RBFOX1: variants seen among roughly 807,000 people sequenced by gnomAD.
RBFOX1 encodes RNA binding fox-1 homolog 1.
In RBFOX1, 8 loss-of-function variants were observed where a neutral mutation model predicts 57.7. The observed-to-expected ratio is 0.14, with a 90% CI of 0.08 to 0.25. The LOEUF (loss-of-function observed/expected upper bound fraction) is 0.25, where lower values mean the gene tolerates loss of function less well. Among genes scored for constraint, RBFOX1 ranks in the 10% least tolerant of loss-of-function variants. RBFOX1 has a pLI of 1.00. For missense variants in RBFOX1, 611 were observed against 548.5 expected (o/e 1.11, Z -1.14); for synonymous variants, 326 against 222.4 (o/e 1.47, Z -4.15).
chr16:5,443,875 A>C (rs1167721456), intron 1 of RBFOX1, among the ~76,000 whole-genome samples: 1 of 152,142 alleles, frequency 6.6e-6, no homozygotes, highest in Non-Finnish European at 1.5e-5. Context: ...CCTTCTTTTT[A>C]AAGCTTGACT....
intron 1 of RBFOX1, among the ~76,000 whole-genome samples, chr16:6,280,666 A>T (rs76653313): frequency 0.033 from 5,055 of 152,172 alleles, 208 homozygotes; most frequent in African/African-American, 0.095. Context: ...AGTAATTAAG[A>T]TAGGGAAATT....
chr16:6,776,406 A>G (rs1034240778), intron 3 of RBFOX1, among the ~76,000 whole-genome samples: 1 of 147,632 alleles, frequency 6.8e-6, no homozygotes, highest in African/African-American at 2.5e-5. Flanking sequence ...GTGAGACTCC[A>G]CCTCGGAAAA....
At chr16:5,291,842 G>A (rs1362829215) in intron 1 of RBFOX1, among the ~76,000 whole-genome samples, 1 of 152,156 alleles carries the variant, frequency 6.6e-6, no homozygotes, top group African/African-American at 2.4e-5. Context: ...CTGAATGTGG[G>A]TTGGGTTGGC....
intron 3 of RBFOX1, among the ~76,000 whole-genome samples, chr16:5,809,249 G>C (rs538986603): frequency 1.3e-5 from 2 of 152,230 alleles, no homozygotes; most frequent in African/African-American, 4.8e-5. Flanking sequence ...TTACCATTCA[G>C]GACATAGGCA....
intron 4 of RBFOX1, among the ~76,000 whole-genome samples, chr16:7,190,344 GA>G (rs2085065547): frequency 6.6e-6 from 1 of 152,106 alleles, no homozygotes; most frequent in African/African-American, 2.4e-5. Flanking sequence ...GGGTGACAGA[GA>G]CTCCGCCTCA....
intron 4 of RBFOX1, among the ~76,000 whole-genome samples, chr16:5,914,724 AC>A (rs1360001441): frequency 7.9e-5 from 12 of 152,162 alleles, no homozygotes; most frequent in Non-Finnish European, 1.5e-4. Flanking sequence ...GTGAAAGCCC[AC>A]CTCTACTAAA....
chr16:5,379,140 G>C (rs930001621), intron 1 of RBFOX1, among the ~76,000 whole-genome samples: 1 of 151,622 alleles, frequency 6.6e-6, no homozygotes, highest in African/African-American at 2.4e-5. Flanking sequence ...ACCTCATGCC[G>C]TTAGGAGCCA....
At chr16:6,754,097 A>G (rs1453975158) in intron 3 of RBFOX1, among the ~76,000 whole-genome samples, 4 of 152,180 alleles carry the variant, frequency 2.6e-5, no homozygotes, top group South Asian at 4.1e-4. Context: ...TTACCTAAGT[A>G]TTTTGAGCAG....
At chr16:6,881,420 T>C (rs143652875) in intron 3 of RBFOX1, among the ~76,000 whole-genome samples, 125 of 152,282 alleles carry the variant, frequency 8.2e-4, no homozygotes, top group African/African-American at 2.8e-3. Flanking sequence ...GTTGGCAAGA[T>C]TGGTTCCTTC....
intron 2 of RBFOX1, among the ~76,000 whole-genome samples, chr16:5,487,477 G>A (rs770862348): frequency 2.0e-5 from 3 of 152,188 alleles, no homozygotes; most frequent in Non-Finnish European, 4.4e-5. Context: ...GGACCCTGAG[G>A]GTGAGGACTT....
chr16:6,138,230 G>A (rs1442082704), intron 1 of RBFOX1, among the ~76,000 whole-genome samples: 1 of 152,214 alleles, frequency 6.6e-6, no homozygotes, highest in Non-Finnish European at 1.5e-5. Context: ...CCCTGCACTT[G>A]GTTTGATGTT....
chr16:6,565,355 C>G (rs1043971274), intron 2 of RBFOX1, among the ~76,000 whole-genome samples: 1 of 152,036 alleles, frequency 6.6e-6, no homozygotes, highest in Non-Finnish European at 1.5e-5. Flanking sequence ...CTCCCAGATT[C>G]AAGCTGATTC....
chr16:7,053,285 G>A (rs1304926348), intron 4 of RBFOX1, among the ~76,000 whole-genome samples: 1 of 152,064 alleles, frequency 6.6e-6, no homozygotes, highest in Non-Finnish European at 1.5e-5. Context: ...TCTCAGTATG[G>A]CCCTCTCTAC....
chr16:5,572,515 C>T (rs761551676), intron 2 of RBFOX1, among the ~76,000 whole-genome samples: 2 of 152,148 alleles, frequency 1.3e-5, no homozygotes, highest in Non-Finnish European at 2.9e-5. Context: ...GGATACATGG[C>T]AGCATCTTCT....
At chr16:6,229,164 C>G (rs563622773) in intron 1 of RBFOX1, among the ~76,000 whole-genome samples, 2 of 152,084 alleles carry the variant, frequency 1.3e-5, no homozygotes, top group African/African-American at 2.4e-5. Flanking sequence ...TTTTACCCCC[C>G]GAGACTATAA....
At chr16:5,618,369 GCTCTGTCACCC>G in intron 3 of RBFOX1, among the ~76,000 whole-genome samples, 1 of 151,222 alleles carries the variant, frequency 6.6e-6, no homozygotes, top group African/African-American at 2.4e-5. Context: ...ACAGAGTCTC[GCTCTGTCACCC>G]AGGCTGCAGT....
At chr16:6,298,109 A>G (rs1374181048) in intron 1 of RBFOX1, among the ~76,000 whole-genome samples, 2 of 152,200 alleles carry the variant, frequency 1.3e-5, no homozygotes, top group Non-Finnish European at 2.9e-5. Context: ...AGGCTAAAAG[A>G]GCACACTGTA....
intron 2 of RBFOX1, among the ~76,000 whole-genome samples, chr16:6,457,286 C>A (rs1316873161): frequency 6.6e-6 from 1 of 152,026 alleles, no homozygotes; most frequent in African/African-American, 2.4e-5. Flanking sequence ...TATTACAGAG[C>A]CTGTGATGGA....
At chr16:6,314,577 C>G (rs896854378) in intron 1 of RBFOX1, among the ~76,000 whole-genome samples, 6 of 152,090 alleles carry the variant, frequency 3.9e-5, no homozygotes, top group Admixed American at 2.0e-4. Flanking sequence ...TAAAGGAATA[C>G]TAGTGCACTG....
Sources: allele counts gnomAD v4.1 joint callset (sites outside exome capture counted in the v4.1 genomes callset), GRCh38; gene constraint gnomAD v4.1.1; transcripts MANE v1.5; gene names NCBI Gene and HGNC (gene_info 2026-07-23, HGNC 2026-07-21).